ICA1L: variants seen among roughly 807,000 people sequenced by gnomAD.
The protein encoded by ICA1L is islet cell autoantigen 1-like protein.
In ICA1L, 50 loss-of-function variants were observed where a neutral mutation model predicts 61.3. That is an observed-to-expected ratio of 0.82 (90% CI 0.65 to 1.03). ICA1L has a LOEUF of 1.03. ICA1L is among the 50% of genes least tolerant of loss of function. ICA1L has a pLI of 0.00. For synonymous variants in ICA1L, 161 were observed against 191.3 expected (o/e 0.84, Z 1.31); for missense variants, 508 against 556.7 (o/e 0.91, Z 0.88).
intron 10 of ICA1L, among the ~76,000 whole-genome samples, chr2:202,793,200 T>C (rs1461277845): frequency 6.6e-6 from 1 of 151,868 alleles, no homozygotes; most frequent in Non-Finnish European, 1.5e-5. Flanking sequence ...GCAAATAAAT[T>C]TAAAAGTCTA....
intron 4 of ICA1L, among the ~76,000 whole-genome samples, chr2:202,820,573 T>C (rs1214018442): frequency 6.6e-6 from 1 of 152,196 alleles, no homozygotes; most frequent in Non-Finnish European, 1.5e-5. Context: ...ATTTGACAAG[T>C]TCAGGGAAAA....
intron 9 of ICA1L, among the ~76,000 whole-genome samples, chr2:202,811,055 T>C (rs1693363806): frequency 6.6e-6 from 1 of 152,230 alleles, no homozygotes; most frequent in Admixed American, 6.5e-5. Flanking sequence ...TACCTTGTGA[T>C]ATCTTATTAC....
At chr2:202,852,131 T>C (rs1043604121) in intron 1 of ICA1L, among the ~76,000 whole-genome samples, 2 of 152,264 alleles carry the variant, frequency 1.3e-5, no homozygotes, top group African/African-American at 4.8e-5. Context: ...AGGGTTTTTA[T>C]GGTTTTAGGT....
chr2:202,786,907 A>G (rs1197018083), intron 11 of ICA1L: 2 of 342,746 alleles, frequency 5.8e-6, no homozygotes, highest in East Asian at 7.9e-5. Flanking sequence ...TTGCTACAAC[A>G]TGAAAAACCA....
chr2:202,852,512 C>T (rs111312692), intron 1 of ICA1L, among the ~76,000 whole-genome samples: 3 of 150,698 alleles, frequency 2.0e-5, no homozygotes, highest in Admixed American at 6.6e-5. Context: ...CTACTAAAAA[C>T]ACAAAAAAAT....
At chr2:202,812,993 T>TC (rs1693422229) in intron 8 of ICA1L, among the ~76,000 whole-genome samples, 1 of 152,164 alleles carries the variant, frequency 6.6e-6, no homozygotes, top group South Asian at 2.1e-4. Context: ...GCGTGATGGC[T>TC]CACACCTGTA....
In ICA1L at chr2:202,818,442, C is replaced by T. The variant is rs370048423; in HGVS notation, c.559-899G>A. On this transcript the variant is annotated intron_variant, in intron 5 of 12. Coordinates refer to ENST00000358299, the MANE Select transcript of ICA1L (RefSeq NM_001288622.3). ...CCTGGAGTGTAGGAAGCAAGTACAA[C>T]GTGGTTGTGGAGGGACCAGGGATCA... Among the ~76,000 whole-genome samples, 21 of 152,230 alleles carry T rather than the reference C, an allele frequency of 1.4e-4. 1 individual carries two copies. The highest frequency in any genetic ancestry group is 6.5e-4 in the Admixed American group (10 of 15,298).
intron 1 of ICA1L, among the ~76,000 whole-genome samples, chr2:202,839,804 G>C (rs576742113): frequency 1.3e-5 from 2 of 151,466 alleles, no homozygotes; most frequent in Non-Finnish European, 2.9e-5. Context: ...GTGATTAGAC[G>C]ATTTTTCTCT....
chr2:202,778,263 T>A lies in ICA1L; in HGVS notation c.*1270A>T, dbSNP rs565053232. 25 of 152,248 alleles carry A rather than the reference T, an allele frequency of 1.6e-4. No individual in the cohort carries two copies. Among genetic ancestry groups the A allele is most frequent in the African/African-American group, 5.5e-4 (23 of 41,556 alleles). 9.4% of individuals were successfully genotyped at this position (152,248 alleles called of 1,614,324 possible). A position where few individuals can be genotyped will look rare whatever the true frequency, so the allele number is the denominator to read the frequency against. On this transcript the variant is annotated 3_prime_UTR_variant, in exon 13 of 13. Coordinates refer to ENST00000358299, the MANE Select transcript of ICA1L (RefSeq NM_001288622.3). ...CACACTTGGGAAATTGCTTCAAAAT[T>A]AAAGGGTGGGCAATTTAAAAGGACA...
intron 6 of ICA1L, among the ~76,000 whole-genome samples, chr2:202,816,618 A>T (rs1693544009): frequency 6.6e-6 from 1 of 152,202 alleles, no homozygotes; most frequent in Non-Finnish European, 1.5e-5. Flanking sequence ...GCAAGATGCT[A>T]AACAGATATC....
chr2:202,790,002 A>G (rs1692699204), intron 10 of ICA1L, among the ~76,000 whole-genome samples: 1 of 152,204 alleles, frequency 6.6e-6, no homozygotes, highest in African/African-American at 2.4e-5. Context: ...TAACCCTTAC[A>G]AGAAAAGTAA....
intron 1 of ICA1L, among the ~76,000 whole-genome samples, chr2:202,863,404 G>C (rs1190795835): frequency 6.6e-6 from 1 of 152,032 alleles, no homozygotes; most frequent in African/African-American, 2.4e-5. Flanking sequence ...AATAAAGTCA[G>C]TAAATAGAGA....
At position 202,788,890 on chromosome 2, in the gene ICA1L, A is replaced by G; in HGVS notation, c.1183T>C (p.Ser395Pro). ...AAGAGTTGTGAAGGAAGGAATCGAGAAGAATGAGCGAGGGGCTCAGACCCC... is the reference window on the plus strand; with the variant it reads ...AAGAGTTGTGAAGGAAGGAATCGAGGAGAATGAGCGAGGGGCTCAGACCCC... ...SMGSEPLAHS[S>P]RFLPSQLFDL... Residue 395 changes from serine to proline, a missense_variant, in exon 11 of 13, where the codon TCT (serine) becomes CCT (proline). By Grantham distance (74) the Ser-to-Pro change is moderately conservative. Coordinates refer to ENST00000358299, the MANE Select transcript of ICA1L (RefSeq NM_001288622.3). 6.2e-7 allele frequency: 1 copy of G among 1,614,174 alleles called. No individual in the cohort carries two copies. Among genetic ancestry groups the G allele is most frequent in the Non-Finnish European group, 8.5e-7 (1 of 1,180,018 alleles).
At chr2:202,854,065 G>T (rs1694703259) in intron 1 of ICA1L, among the ~76,000 whole-genome samples, 1 of 152,112 alleles carries the variant, frequency 6.6e-6, no homozygotes, top group East Asian at 1.9e-4. Context: ...ATGTAAAGAG[G>T]TTCAATGCCC....
rs753299043 is a variant in ICA1L, at chr2:202,796,981, T to C, written c.911-17A>G. 2.1e-5 allele frequency: 33 copies of C among 1,552,318 alleles called. No homozygotes were observed. The highest frequency in any genetic ancestry group is 2.7e-5 in the Non-Finnish European group (31 of 1,142,478). On this transcript the variant is annotated splice_polypyrimidine_tract_variant and intron_variant, in intron 9 of 12. Transcript: ENST00000358299. ...CTTTGTTTGCTAAATCAAAAGCACA[T>C]AAAAGAGAAGTTGAACAAGAAGAAA...
rs541282379 is a variant in ICA1L at position 202,811,622 on chromosome 2, A to G, written c.910+124T>C. On this transcript the variant is annotated intron_variant, in intron 9 of 12. Coordinates refer to ENST00000358299, the MANE Select transcript of ICA1L (RefSeq NM_001288622.3). ...GCTTGCAGTGAGCCAAGATCACGCA[A>G]CTGCACTCCAGCCTGGGGGACAGAG... 2.2e-4 allele frequency: 142 copies of G among 655,718 alleles called. 2 individuals carry two copies. Among genetic ancestry groups the G allele is most frequent in the Admixed American group, 1.1e-3 (40 of 35,278 alleles). 40.6% of individuals were successfully genotyped at this position (655,718 alleles called of 1,614,324 possible).
chr2:202,855,209 A>G (rs995806113), intron 1 of ICA1L, among the ~76,000 whole-genome samples: 1 of 152,154 alleles, frequency 6.6e-6, no homozygotes, highest in African/African-American at 2.4e-5. Context: ...AAGATCTAAA[A>G]TCGACACCCT....
At position 202,779,523 on chromosome 2, in the gene ICA1L, A is replaced by G. The variant is rs774687263; in HGVS notation, c.*10T>C. On this transcript the variant is annotated 3_prime_UTR_variant, in exon 13 of 13. Coordinates refer to ENST00000358299, the MANE Select transcript of ICA1L (RefSeq NM_001288622.3). Reference sequence around the variant, plus strand: ...GTCTCAAGGCCACTGAAGTGACATTATAACTTCAGTCAAGCATTAAGAAGT... The same window carrying G: ...GTCTCAAGGCCACTGAAGTGACATTGTAACTTCAGTCAAGCATTAAGAAGT... 4.0e-6 allele frequency: 6 copies of G among 1,499,740 alleles called. No individual in the cohort carries two copies. Among genetic ancestry groups the G allele is most frequent in the African/African-American group, 1.4e-5 (1 of 72,430 alleles). 92.9% of individuals were successfully genotyped at this position (1,499,740 alleles called of 1,614,324 possible). A position where few individuals can be genotyped will look rare whatever the true frequency, so the allele number is the denominator to read the frequency against.
rs773897292 is a variant in ICA1L, at chr2:202,786,006, G to A, written c.1245C>T (p.Asn415=). The A allele has an allele frequency of 3.2e-6, 5 of 1,585,494 alleles. No homozygotes were observed. The South Asian group carries it at 5.7e-5, about 18-fold the overall frequency. Reference sequence around the variant, plus strand: ...GTTCTGATTCCTCTTGGGAGACCCAGTCTGGGATAAAAGAAGTAAAAATTG... The same window carrying A: ...GTTCTGATTCCTCTTGGGAGACCCAATCTGGGATAAAAGAAGTAAAAATTG... The part of the protein sequence containing the change: ...LGFHVAGAFN[N]WVSQEESELC... Residue 415 remains asparagine (N), a splice_region_variant and synonymous_variant, in exon 12 of 13, where the codon AAC becomes AAT. Transcript: ENST00000358299.
Sources: gnomAD v4.1 joint callset for allele counts (sites outside exome capture counted in the v4.1 genomes callset) on GRCh38, gnomAD v4.1.1 for gene constraint, MANE v1.5 for transcripts, NCBI Gene and HGNC (gene_info 2026-07-23, HGNC 2026-07-21) for gene names.